The following GADL1 variants were observed in gnomAD, a reference collection of about 807,000 sequenced individuals.
GADL1 encodes acidic amino acid decarboxylase GADL1.
In GADL1, 71 loss-of-function variants were observed where a neutral mutation model predicts 69.5. The observed-to-expected ratio is 1.02, with a 90% confidence interval of 0.84 to 1.25. The LOEUF (loss-of-function observed/expected upper bound fraction) is 1.25. Among genes scored for constraint, GADL1 ranks in the 50% most tolerant of loss-of-function variants. GADL1 has a pLI of 0.00. For missense variants in GADL1, 737 were observed against 631.8 expected (o/e 1.17, Z -1.79); for synonymous variants, 254 against 214.4 (o/e 1.18, Z -1.62).
Position 30,743,056 on chromosome 3 carries a change from C to T in GADL1, c.1393-14641G>A, listed in dbSNP as rs192167753. 1.3e-3 allele frequency among the ~76,000 whole-genome samples: 197 copies of T among 151,856 alleles called. 1 individual carries two copies. Among genetic ancestry groups the T allele is most frequent in the African/African-American group, 4.5e-3 (187 of 41,400 alleles). On this transcript the variant is annotated intron_variant, in intron 14 of 14. Coordinates refer to ENST00000282538, the MANE Select transcript of GADL1 (RefSeq NM_207359.3). ...TCTCCTCAGATGGTTTTTCAGAGTCCAAAAATGCTACATAAATTTTTTTCA... is the reference window on the plus strand; with the variant it reads ...TCTCCTCAGATGGTTTTTCAGAGTCTAAAAATGCTACATAAATTTTTTTCA...
intron 8 of GADL1, among the ~76,000 whole-genome samples, chr3:30,840,629 C>A (rs867800551): frequency 1.3e-5 from 2 of 152,138 alleles, no homozygotes; most frequent in African/African-American, 4.8e-5. Context: ...TTAATGGTTG[C>A]GCTTTTCCTC....
chr3:30,837,181 A>G (rs1217715085), intron 9 of GADL1, among the ~76,000 whole-genome samples: 1 of 152,172 alleles, frequency 6.6e-6, no homozygotes, highest in African/African-American at 2.4e-5. Context: ...ATTTGAAAGA[A>G]GCTTTAAAAT....
rs113149116 is a variant in GADL1 at position 30,746,093 on chromosome 3, A to G, written c.1393-17678T>C. ...AGCCTTCGCTTCCTGGGTTCAAGCAATTCTCCTGTCTCAGCCTCCCGAGTA... is the reference window on the plus strand; with the variant it reads ...AGCCTTCGCTTCCTGGGTTCAAGCAGTTCTCCTGTCTCAGCCTCCCGAGTA... On this transcript the variant is annotated intron_variant, in intron 14 of 14. Coordinates refer to ENST00000282538, the MANE Select transcript of GADL1 (RefSeq NM_207359.3). 7.2e-3 allele frequency among the ~76,000 whole-genome samples: 1,098 copies of G among 151,934 alleles called. 16 individuals are homozygous for G. The highest frequency in any genetic ancestry group is 0.025 in the African/African-American group (1,034 of 41,392).
intron 1 of GADL1, among the ~76,000 whole-genome samples, chr3:30,893,326 A>AT (rs761705277): frequency 9.2e-5 from 14 of 151,908 alleles, no homozygotes; most frequent in Non-Finnish European, 8.8e-5. Context: ...GCTTCAACAC[A>AT]TACATACATT....
chr3:30,894,603 G>A lies in GADL1; in HGVS notation c.12C>T (p.Asp4=), dbSNP rs1480034519. The A allele has an allele frequency of 3.9e-6, 6 of 1,551,074 alleles. No individual in the cohort carries two copies. Among genetic ancestry groups the A allele is most frequent in the Non-Finnish European group, 5.2e-6 (6 of 1,146,730 alleles). The change falls in exon 1 of 15, where the codon GAC becomes GAT. Residue 4 remains aspartate (D), a synonymous_variant. Transcript: ENST00000282538. ...CGTCCACAGGACACTGGCGGTCCGA[G>A]TCGCTGCTCATCTCCGCTCCCCCAC... MSS[D]SDRQCPVDGD... is the part of the protein sequence containing the mutation.
chr3:30,746,584 G>A (rs969296566), intron 14 of GADL1, among the ~76,000 whole-genome samples: 1 of 152,142 alleles, frequency 6.6e-6, no homozygotes, highest in Non-Finnish European at 1.5e-5. Context: ...AGGTGATGGG[G>A]TGATAAGGTG....
intron 8 of GADL1, 102 bp from the exon 9 acceptor site, chr3:30,839,215 G>T: frequency 1.4e-6 from 1 of 708,292 alleles, no homozygotes; most frequent in South Asian, 3.2e-5. Context: ...AGAGTTATTT[G>T]GGTTTTTTGG....
chr3:30,743,796 A>G (rs955568549), intron 14 of GADL1, among the ~76,000 whole-genome samples: 24 of 152,282 alleles, frequency 1.6e-4, no homozygotes, highest in African/African-American at 5.5e-4. Flanking sequence ...TAACCCACAC[A>G]CAGGGCCTGC....
chr3:30,844,621 T>C (rs939233026), intron 6 of GADL1, among the ~76,000 whole-genome samples, 155 bp from the exon 7 acceptor site: 4 of 152,188 alleles, frequency 2.6e-5, no homozygotes, highest in Admixed American at 6.5e-5. Context: ...CTTAGCATAG[T>C]GGTTGAGAAC....
intron 14 of GADL1, among the ~76,000 whole-genome samples, chr3:30,758,376 G>C (rs1475484296): frequency 2.6e-5 from 4 of 151,834 alleles, no homozygotes; most frequent in Admixed American, 6.6e-5. Context: ...CCTTCCGTCA[G>C]ATCTCCATTT....
At chr3:30,887,322 A>G (rs1008230903) in intron 1 of GADL1, among the ~76,000 whole-genome samples, 3 of 152,194 alleles carry the variant, frequency 2.0e-5, no homozygotes, top group African/African-American at 7.2e-5. Context: ...TGGGGCCTTT[A>G]AGAGGTAATT....
intron 8 of GADL1, among the ~76,000 whole-genome samples, chr3:30,841,832 T>G (rs1000850293): frequency 1.3e-5 from 2 of 152,074 alleles, no homozygotes; most frequent in Non-Finnish European, 2.9e-5. Context: ...ACAGGATGTC[T>G]CCTGATGGCA....
In GADL1 at chr3:30,865,611, A is replaced by G. The variant is rs150778919; in HGVS notation, c.38-3846T>C. Among the ~76,000 whole-genome samples the G allele has an allele frequency of 4.1e-4, 62 of 152,162 alleles. 1 individual carries two copies. Among genetic ancestry groups the G allele is most frequent in the African/African-American group, 1.4e-3 (60 of 41,564 alleles). On this transcript the variant is annotated intron_variant, in intron 1 of 14. Transcript: ENST00000282538. ...ACCTTTGGCTGGGGATGCAATAGAC[A>G]TAGAACACAGTTAATGGGCTAGAGA...
At chr3:30,783,385 A>G (rs1390349211) in intron 13 of GADL1, among the ~76,000 whole-genome samples, 3 of 152,234 alleles carry the variant, frequency 2.0e-5, no homozygotes, top group Non-Finnish European at 2.9e-5. Context: ...ATTCACTTAA[A>G]ATAATACATT....
chr3:30,801,265 A>G (rs1697159873), intron 11 of GADL1, among the ~76,000 whole-genome samples, 177 bp from the exon 12 acceptor site: 1 of 152,176 alleles, frequency 6.6e-6, no homozygotes. Flanking sequence ...CACATTACCC[A>G]TGGTGTTACC....
intron 12 of GADL1, among the ~76,000 whole-genome samples, chr3:30,786,612 T>G (rs112389380): frequency 3.2e-4 from 48 of 152,324 alleles, no homozygotes; most frequent in African/African-American, 1.1e-3. Context: ...ATCTTTTTGA[T>G]GATGATATCT....
rs141146043 is a variant in GADL1 at position 30,791,101 on chromosome 3, T to G, written c.1251-4695A>C. On this transcript the variant is annotated intron_variant, in intron 12 of 14. Transcript: ENST00000282538. ...GGGGAAACAAGATGCAATGAGGGTG[T>G]GTGGTTTTCCATTCCCTTTTTATAT... 1.9e-3 allele frequency among the ~76,000 whole-genome samples: 287 copies of G among 152,242 alleles called. No homozygotes were observed. The South Asian group carries it at 0.02, about 11-fold the overall frequency.
At chr3:30,730,038 T>C (rs1409029884) in intron 14 of GADL1, among the ~76,000 whole-genome samples, 2 of 152,192 alleles carry the variant, frequency 1.3e-5, no homozygotes, top group Non-Finnish European at 1.5e-5. Flanking sequence ...TACAAACTTC[T>C]AAATATATGT....
intron 4 of GADL1, among the ~76,000 whole-genome samples, chr3:30,853,054 A>G (rs935424515): frequency 2.0e-5 from 3 of 152,096 alleles, no homozygotes; most frequent in South Asian, 4.1e-4. Flanking sequence ...GACACTAGGC[A>G]TGCTCTCCTC....
Sources: gnomAD v4.1 joint callset for allele counts (sites outside exome capture counted in the v4.1 genomes callset) on GRCh38, gnomAD v4.1.1 for gene constraint, MANE v1.5 for transcripts, NCBI Gene and HGNC (gene_info 2026-07-23, HGNC 2026-07-21) for gene names.